SOX6: variants seen among roughly 807,000 people sequenced by gnomAD.
The protein encoded by SOX6 is SRY-box transcription factor 6.
A neutral mutation model predicts 97.8 loss-of-function variants in SOX6; 11 were observed. The observed-to-expected ratio is 0.11, with a 90% CI of 0.07 to 0.19. The LOEUF is 0.19. Ranked by LOEUF, SOX6 falls within the 10% of genes least tolerant of loss-of-function variation. The pLI, the probability that SOX6 is intolerant of heterozygous loss-of-function variation, is 1.00. For synonymous variants in SOX6, 360 were observed against 371.4 expected (o/e 0.97, Z 0.35); for missense variants, 810 against 1,039.5 (o/e 0.78, Z 3.04).
chr11:16,626,243 C>A (rs1848621952), intron 3 of SOX6, among the ~76,000 whole-genome samples: 1 of 152,336 alleles, frequency 6.6e-6, no homozygotes, highest in South Asian at 2.1e-4. Flanking sequence ...AGGAGTTTTA[C>A]TTCCAACAGG....
intron 3 of SOX6, among the ~76,000 whole-genome samples, chr11:16,656,749 T>C (rs1004323644): frequency 6.6e-6 from 1 of 152,202 alleles, no homozygotes; most frequent in Non-Finnish European, 1.5e-5. Context: ...ATTTACTATG[T>C]ATTGTTACAA....
intron 1 of SOX6, among the ~76,000 whole-genome samples, chr11:16,457,370 G>A (rs932688951): frequency 6.6e-6 from 1 of 151,958 alleles, no homozygotes; most frequent in African/African-American, 2.4e-5. Context: ...TTATACTTAG[G>A]CTCTTACACA....
At chr11:16,234,005 C>CAA (rs751876773) in intron 4 of SOX6, among the ~76,000 whole-genome samples, 33 of 55,920 alleles carry the variant, frequency 5.9e-4, no homozygotes, top group African/African-American at 1.7e-3. Flanking sequence ...GACTGCATCT[C>CAA]AAAAAAAAAA....
intron 4 of SOX6, among the ~76,000 whole-genome samples, chr11:16,536,994 C>T (rs1861319006): frequency 1.3e-5 from 2 of 152,214 alleles, no homozygotes; most frequent in African/African-American, 4.8e-5. Flanking sequence ...AGACTGACTG[C>T]TTCCTCAAGT....
chr11:16,520,212 C>T lies in SOX6; in HGVS notation n.610-43824G>A, dbSNP rs140603815. ...AGCTCTTTAGTTTAATTAAGTTCCA[C>T]TTGTCAGTTTTTGTTTTTGTTGCAT... On this transcript the variant is annotated intron_variant and non_coding_transcript_variant, in intron 4 of 5. Coordinates refer to the SOX6 transcript ENST00000524520. 6.8e-4 allele frequency among the ~76,000 whole-genome samples: 103 copies of T among 152,254 alleles called. No homozygotes were observed. In the East Asian group the frequency reaches 0.012, roughly 17 times the overall value.
At position 16,186,732 on chromosome 11, in the gene SOX6, G is replaced by A. The variant is rs185692669; in HGVS notation, c.708+51C>T. ...GCCAATCAATTTGATTACTCTCTGA[G>A]CCTGGCACATTCCACATCTCCAGTT... is the stretch of plus-strand genomic sequence containing the variant. On this transcript the variant is annotated intron_variant, in intron 5 of 15. Transcript: ENST00000683767. 5.2e-5 allele frequency: 82 copies of A among 1,589,610 alleles called. No individual in the cohort carries two copies. In the African/African-American group the frequency reaches 9.4e-4, roughly 18 times the overall value.
At chr11:16,208,337 T>A (rs1852127436) in intron 4 of SOX6, among the ~76,000 whole-genome samples, 1 of 152,218 alleles carries the variant, frequency 6.6e-6, no homozygotes, top group Admixed American at 6.5e-5. Flanking sequence ...ATTGTATGCA[T>A]AAAACTACTT....
At chr11:16,711,227 C>A (rs1391905466) in intron 3 of SOX6, among the ~76,000 whole-genome samples, 1 of 152,136 alleles carries the variant, frequency 6.6e-6, no homozygotes, top group Non-Finnish European at 1.5e-5. Flanking sequence ...CACTCTCCTG[C>A]TAAAAACATT....
chr11:16,481,436 A>T (rs898588379), intron 4 of SOX6, among the ~76,000 whole-genome samples: 7 of 151,954 alleles, frequency 4.6e-5, no homozygotes, highest in Non-Finnish European at 1.0e-4. Flanking sequence ...TTAAGATGCT[A>T]CCTAGTCCAC....
At chr11:16,057,158 T>C (rs995960742) in intron 9 of SOX6, among the ~76,000 whole-genome samples, 3 of 152,136 alleles carry the variant, frequency 2.0e-5, no homozygotes, top group African/African-American at 4.8e-5. Context: ...CTAAATGTTA[T>C]ATCATTATCT....
chr11:16,659,643 A>G (rs542554174), intron 3 of SOX6, among the ~76,000 whole-genome samples: 2 of 152,376 alleles, frequency 1.3e-5, no homozygotes, highest in South Asian at 4.1e-4. Context: ...TGCTGGCCAC[A>G]TAGCATAAGT....
chr11:16,217,261 G>T (rs973713820), intron 4 of SOX6, among the ~76,000 whole-genome samples: 1 of 152,080 alleles, frequency 6.6e-6, no homozygotes, highest in Non-Finnish European at 1.5e-5. Flanking sequence ...ATACTTTACT[G>T]TCTCTTGACA....
chr11:16,315,746 C>T (rs1043571850), intron 3 of SOX6: 1 of 152,168 alleles, frequency 6.6e-6, no homozygotes, highest in African/African-American at 2.4e-5. Context: ...CCCAATCCCT[C>T]CTCCATGTGA....
At chr11:16,284,914 G>A (rs1039163301) in intron 3 of SOX6, among the ~76,000 whole-genome samples, 15 of 151,992 alleles carry the variant, frequency 9.9e-5, no homozygotes, top group African/African-American at 3.6e-4. Context: ...ATGTCCTAAG[G>A]TCTAAACACT....
In SOX6 at chr11:16,637,890, T is replaced by C. The variant is rs376710087; in HGVS notation, n.430-25630A>G. Among the ~76,000 whole-genome samples, 6 of 152,258 alleles carry C rather than the reference T, an allele frequency of 3.9e-5. No individual in the cohort carries two copies. In the East Asian group the frequency reaches 9.7e-4, roughly 24 times the overall value. On this transcript the variant is annotated intron_variant and non_coding_transcript_variant, in intron 3 of 5. Coordinates refer to the SOX6 transcript ENST00000524520. ...GGAAAAATGTTTTTTCCATTCACAT[T>C]TTTTTGGACATAGGGTCTCATTCTT...
intron 6 of SOX6, among the ~76,000 whole-genome samples, chr11:16,112,455 A>G (rs1849254377): frequency 6.6e-6 from 1 of 152,174 alleles, no homozygotes; most frequent in Admixed American, 6.5e-5. Context: ...ATTTAAGGCT[A>G]CTACATCTTG....
intron 4 of SOX6, among the ~76,000 whole-genome samples, chr11:16,600,139 T>G (rs546412067): frequency 6.6e-6 from 1 of 152,384 alleles, no homozygotes; most frequent in African/African-American, 2.4e-5. Context: ...GTCCCAGCAA[T>G]GCTCTGCTTA....
chr11:16,477,703 A>G (rs879386956), upstream of SOX6, among the ~76,000 whole-genome samples: 2 of 152,202 alleles, frequency 1.3e-5, no homozygotes, highest in Non-Finnish European at 2.9e-5. Flanking sequence ...TTTTTTTTAA[A>G]TCTTTTTAAA....
At chr11:16,528,155 C>T (rs986687378) in intron 4 of SOX6, among the ~76,000 whole-genome samples, 3 of 151,812 alleles carry the variant, frequency 2.0e-5, no homozygotes, top group Admixed American at 2.0e-4. Context: ...ATAAGAGGCC[C>T]GGTAGAAATT....
Sources: allele counts gnomAD v4.1 joint callset (sites outside exome capture counted in the v4.1 genomes callset), GRCh38; gene constraint gnomAD v4.1.1; transcripts MANE v1.5; gene names NCBI Gene and HGNC (gene_info 2026-07-23, HGNC 2026-07-21).